FGGY: variants seen among roughly 807,000 people sequenced by gnomAD.
The protein encoded by FGGY is FGGY carbohydrate kinase domain-containing protein.
FGGY carries 72 observed loss-of-function variants against 71.3 expected under a neutral mutation model. That is an observed-to-expected ratio of 1.01 (90% CI 0.84 to 1.23). The LOEUF is 1.23. Ranked by LOEUF, FGGY falls within the 50% of genes most tolerant of loss-of-function variation. FGGY has a pLI of 0.00. For missense variants in FGGY, 668 were observed against 682.3 expected, an observed-to-expected ratio of 0.98 and a Z score of 0.23; for synonymous variants, 251 against 250.3, an observed-to-expected ratio of 1.00 and a Z score of -0.02.
chr1:59,607,932 AGGGTCATG>A (rs780845351), intron 9 of FGGY, 22 bp downstream of exon 9: 1 of 1,572,642 alleles, frequency 6.4e-7, no homozygotes, highest in South Asian at 1.1e-5. Flanking sequence ...CTTTCTCAAT[AGGGTCATG>A]GATGTTTTTA....
intron 14 of FGGY, among the ~76,000 whole-genome samples, chr1:59,744,152 GTAAT>G (rs1487114957): frequency 6.6e-6 from 1 of 152,184 alleles, no homozygotes. Context: ...AACTTTATGA[GTAAT>G]TATTTCTATT....
At chr1:59,496,140 G>GAA (rs2094023155) in intron 6 of FGGY, among the ~76,000 whole-genome samples, 1 of 151,954 alleles carries the variant, frequency 6.6e-6, no homozygotes, top group South Asian at 2.1e-4. Context: ...CCATTTATTT[G>GAA]TGTCATCTCT....
At chr1:59,396,496 G>A (rs1228481583) in intron 5 of FGGY, among the ~76,000 whole-genome samples, 1 of 152,114 alleles carries the variant, frequency 6.6e-6, no homozygotes, top group African/African-American at 2.4e-5. Flanking sequence ...CCTAACTGGT[G>A]AGTGAAGAAG....
At chr1:59,762,382 A>T in intron 15 of FGGY, 121 bp from the exon 16 acceptor site, 1 of 689,134 alleles carries the variant, frequency 1.5e-6, no homozygotes, top group Admixed American at 2.4e-5. Flanking sequence ...TGCTGTAAGC[A>T]TTCAGAATCT....
chr1:59,620,340 C>T (rs1216229317), intron 9 of FGGY, among the ~76,000 whole-genome samples: 7 of 151,802 alleles, frequency 4.6e-5, no homozygotes, highest in Admixed American at 2.6e-4. Flanking sequence ...CTTTTTTCTT[C>T]TCTTTTCTTT....
intron 10 of FGGY, among the ~76,000 whole-genome samples, chr1:59,631,350 T>G (rs1376570034): frequency 6.6e-6 from 1 of 152,230 alleles, no homozygotes; most frequent in Non-Finnish European, 1.5e-5. Flanking sequence ...GATGACTCTT[T>G]TATGTCCAGC....
At chr1:59,507,804 G>A (rs1246054647) in intron 6 of FGGY, among the ~76,000 whole-genome samples, 4 of 151,398 alleles carry the variant, frequency 2.6e-5, no homozygotes, top group Non-Finnish European at 2.9e-5. Flanking sequence ...AAAGTGCTGG[G>A]GATTACAGGC....
intron 8 of FGGY, among the ~76,000 whole-genome samples, chr1:59,557,061 A>G (rs2095699548): frequency 6.6e-6 from 1 of 152,148 alleles, no homozygotes; most frequent in South Asian, 2.1e-4. Flanking sequence ...GGCATGGGAA[A>G]GTGCCTTTGA....
At chr1:59,698,832 C>T (rs1182378200) in intron 14 of FGGY, 1 of 985,186 alleles carries the variant, frequency 1.0e-6, no homozygotes, top group Admixed American at 6.2e-5. Context: ...TGTGTGTGCC[C>T]ACAGCCAAGA....
chr1:59,296,471 A>G (rs1266897882), upstream of FGGY, among the ~76,000 whole-genome samples: 2 of 152,250 alleles, frequency 1.3e-5, no homozygotes, highest in East Asian at 1.9e-4. Flanking sequence ...GTGAGTCCCC[A>G]GAGCCGGGAA....
chr1:59,436,488 A>G (rs2068507357), intron 5 of FGGY, among the ~76,000 whole-genome samples: 2 of 152,170 alleles, frequency 1.3e-5, no homozygotes, highest in African/African-American at 4.8e-5. Context: ...CCCCTACAAC[A>G]ACAGCATGTT....
chr1:59,564,367 C>T (rs2095842963), intron 8 of FGGY, among the ~76,000 whole-genome samples: 1 of 152,194 alleles, frequency 6.6e-6, no homozygotes, highest in African/African-American at 2.4e-5. Flanking sequence ...AAAAGCCACC[C>T]TTCAGACCAT....
intron 14 of FGGY, among the ~76,000 whole-genome samples, chr1:59,710,496 C>T (rs1025956438): frequency 6.6e-6 from 1 of 152,206 alleles, no homozygotes; most frequent in Admixed American, 6.5e-5. Context: ...AAACTATCAT[C>T]AGAGTGAACA....
intron 7 of FGGY, among the ~76,000 whole-genome samples, chr1:59,523,057 T>C (rs1263613029): frequency 2.0e-5 from 3 of 152,200 alleles, no homozygotes; most frequent in Non-Finnish European, 4.4e-5. Flanking sequence ...GCTGTTATTT[T>C]CCTTTGCTGA....
At chr1:59,757,812 A>T in intron 14 of FGGY, 119 bp from the exon 15 acceptor site, 1 of 618,340 alleles carries the variant, frequency 1.6e-6, no homozygotes, top group Non-Finnish European at 2.8e-6. Context: ...GAAAAAAAAG[A>T]GGACTAACCA....
intron 6 of FGGY, among the ~76,000 whole-genome samples, chr1:59,486,069 C>T (rs1469267152): frequency 1.3e-5 from 2 of 152,150 alleles, no homozygotes; most frequent in Non-Finnish European, 2.9e-5. Flanking sequence ...AGCCCCTGTG[C>T]CTCAGACTTA....
chr1:59,615,279 A>G (rs1057368433), intron 9 of FGGY, among the ~76,000 whole-genome samples: 5 of 152,238 alleles, frequency 3.3e-5, no homozygotes, highest in African/African-American at 7.2e-5. Context: ...CCAAAACAGC[A>G]TGGTACTGGT....
intron 10 of FGGY, among the ~76,000 whole-genome samples, chr1:59,634,266 G>A (rs2096935275): frequency 6.6e-6 from 1 of 152,094 alleles, no homozygotes; most frequent in Non-Finnish European, 1.5e-5. Context: ...ATTTAGCTGG[G>A]CATGGTGGCA....
chr1:59,742,479 T>C (rs550516265), intron 14 of FGGY, among the ~76,000 whole-genome samples: 17 of 152,370 alleles, frequency 1.1e-4, no homozygotes, highest in African/African-American at 3.4e-4. Flanking sequence ...CTAGTTTTCC[T>C]TTCTCCTCTC....
Sources: allele counts gnomAD v4.1 joint callset (sites outside exome capture counted in the v4.1 genomes callset), GRCh38; gene constraint gnomAD v4.1.1; transcripts MANE v1.5; gene names NCBI Gene and HGNC (gene_info 2026-07-23, HGNC 2026-07-21).